Variants in HORMAD2 observed in about 807,000 individuals in gnomAD.
The protein encoded by HORMAD2 is HORMA domain-containing protein 2.
HORMAD2 carries 45 observed loss-of-function variants against 38.8 expected under a neutral mutation model. The ratio of observed to expected loss-of-function variants is 1.16; its 90% CI spans 0.91 to 1.49. HORMAD2 has a LOEUF of 1.49. Ranked by LOEUF, HORMAD2 falls within the 40% of genes most tolerant of loss-of-function variation. The probability of loss-of-function intolerance (pLI) is 0.00; values close to 1 mark genes in which losing one functional copy is unlikely to be tolerated. For synonymous variants in HORMAD2, 126 were observed against 122.8 expected (o/e 1.03, Z -0.17); for missense variants, 338 against 367.0 (o/e 0.92, Z 0.65).
chr22:30,121,488 C>T (rs1922425505), intron 8 of HORMAD2, 144 bp from the exon 9 acceptor site: 1 of 565,360 alleles, frequency 1.8e-6, no homozygotes, highest in Non-Finnish European at 2.8e-6. Flanking sequence ...AGTACCATCG[C>T]TCCCCTAATT....
At chr22:30,093,312 A>G (rs2068724895) in intron 1 of HORMAD2, among the ~76,000 whole-genome samples, 1 of 152,138 alleles carries the variant, frequency 6.6e-6, no homozygotes, top group Non-Finnish European at 1.5e-5. Flanking sequence ...TTTAATGGGT[A>G]TGAAGTATAA....
chr22:30,166,122 C>T (rs1050502423), intron 10 of HORMAD2, among the ~76,000 whole-genome samples: 1 of 151,820 alleles, frequency 6.6e-6, no homozygotes, highest in African/African-American at 2.4e-5. Flanking sequence ...TTCCAACAGA[C>T]ATATTATTGG....
chr22:30,161,281 A>C (rs1452527391), intron 10 of HORMAD2, among the ~76,000 whole-genome samples: 1 of 152,220 alleles, frequency 6.6e-6, no homozygotes, highest in East Asian at 1.9e-4. Flanking sequence ...ACTTACAGTT[A>C]TGCTATGTTC....
At chr22:30,152,195 T>C (rs998167068) in intron 10 of HORMAD2, among the ~76,000 whole-genome samples, 1 of 152,066 alleles carries the variant, frequency 6.6e-6, no homozygotes, top group African/African-American at 2.4e-5. Context: ...TCTTGGTCTA[T>C]TTTTATTTTA....
intron 10 of HORMAD2, among the ~76,000 whole-genome samples, chr22:30,123,016 G>A (rs1383367302): frequency 6.6e-6 from 1 of 152,160 alleles, no homozygotes; most frequent in East Asian, 1.9e-4. Flanking sequence ...GATAATTTGA[G>A]TCTTATTTAA....
At chr22:30,158,036 A>G (rs1468182181) in intron 10 of HORMAD2, among the ~76,000 whole-genome samples, 3 of 152,114 alleles carry the variant, frequency 2.0e-5, no homozygotes, top group African/African-American at 7.2e-5. Flanking sequence ...AACCTGTTAG[A>G]TTTAATTCTT....
intron 10 of HORMAD2, among the ~76,000 whole-genome samples, chr22:30,122,952 A>G (rs1436353188): frequency 2.0e-5 from 3 of 152,216 alleles, no homozygotes; most frequent in African/African-American, 4.8e-5. Context: ...AAGGGATGCT[A>G]TAAGATCTTT....
chr22:30,107,088 T>C (rs756195430), intron 5 of HORMAD2, among the ~76,000 whole-genome samples: 13 of 152,242 alleles, frequency 8.5e-5, no homozygotes, highest in Admixed American at 2.0e-4. Flanking sequence ...ACATTGGCTA[T>C]TTAATCTGTG....
chr22:30,158,610 C>CCTCCCTCCCTCT (rs1569115364), intron 10 of HORMAD2, among the ~76,000 whole-genome samples: 20 of 99,256 alleles, frequency 2.0e-4, no homozygotes, highest in African/African-American at 1.2e-3. Flanking sequence ...TCCCTCCCTC[C>CCTCCCTCCCTCT]GTCCCTCCCT....
chr22:30,147,460 A>G (rs987916948), intron 10 of HORMAD2, among the ~76,000 whole-genome samples: 1 of 152,066 alleles, frequency 6.6e-6, no homozygotes, highest in Admixed American at 6.5e-5. Context: ...ATTGTACACA[A>G]GATTGACTAT....
At chr22:30,188,338 G>A in the HORMAD2 span, among the ~76,000 whole-genome samples, 1 of 151,950 alleles carries the variant, frequency 6.6e-6, no homozygotes, top group East Asian at 1.9e-4. Flanking sequence ...TCTAATTAAA[G>A]AGACAAAAAC....
rs182924761 is a variant in HORMAD2 at position 30,124,243 on chromosome 22, A to G, written c.819+2029A>G. On this transcript the variant is annotated intron_variant, in intron 10 of 10. Transcript: ENST00000336726. ...TAAGGATTCCTTTTTGTTTTCCTTCATGGAATACATGGAACACACACACAC... is the reference window on the plus strand; with the variant it reads ...TAAGGATTCCTTTTTGTTTTCCTTCGTGGAATACATGGAACACACACACAC... 5.3e-3 allele frequency among the ~76,000 whole-genome samples: 755 copies of G among 142,316 alleles called. 24 individuals carry two copies. Among genetic ancestry groups the G allele is most frequent in the Admixed American group, 0.047 (674 of 14,202 alleles). The allele number at this position is 142,316 out of a possible 152,430, so 93.4% of individuals were successfully genotyped here.
chr22:30,127,332 C>T (rs1179573797), intron 10 of HORMAD2, among the ~76,000 whole-genome samples: 1 of 151,624 alleles, frequency 6.6e-6, no homozygotes. Context: ...CCTCAGCCTC[C>T]TGAGTAGCTG....
At chr22:30,190,597 C>T in the HORMAD2 span, among the ~76,000 whole-genome samples, 3 of 152,186 alleles carry the variant, frequency 2.0e-5, no homozygotes, top group African/African-American at 7.2e-5. Context: ...CATGGAGGCT[C>T]ACCCAAGAGG....
At chr22:30,204,386 T>A in the HORMAD2 span, among the ~76,000 whole-genome samples, 1 of 152,188 alleles carries the variant, frequency 6.6e-6, no homozygotes, top group Non-Finnish European at 1.5e-5. Context: ...TGGTTAACAC[T>A]TATTTCATGG....
chr22:30,082,805 A>AG (rs936278039), intron 1 of HORMAD2, among the ~76,000 whole-genome samples: 4 of 151,616 alleles, frequency 2.6e-5, no homozygotes, highest in East Asian at 3.9e-4. Context: ...CAAAAAAAAA[A>AG]AAAAGAAAAG....
intron 1 of HORMAD2, among the ~76,000 whole-genome samples, chr22:30,090,049 CAGA>C (rs1455534515): frequency 7.2e-5 from 11 of 152,136 alleles, no homozygotes; most frequent in Non-Finnish European, 1.5e-4. Flanking sequence ...TTGCATGTAT[CAGA>C]ACTTCATTCC....
chr22:30,137,005 A>G, intron 10 of HORMAD2: 1 of 470,746 alleles, frequency 2.1e-6, no homozygotes, highest in South Asian at 2.6e-5. Flanking sequence ...CAATTGTAAG[A>G]AGTCTTCCAT....
chr22:30,156,713 T>C (rs556129887), intron 10 of HORMAD2, among the ~76,000 whole-genome samples: 41 of 152,246 alleles, frequency 2.7e-4, no homozygotes, highest in Non-Finnish European at 4.1e-4. Flanking sequence ...AATATCTACA[T>C]TGAATTGATT....
Sources: allele counts gnomAD v4.1 joint callset (sites outside exome capture counted in the v4.1 genomes callset), GRCh38; gene constraint gnomAD v4.1.1; transcripts MANE v1.5; gene names NCBI Gene and HGNC (gene_info 2026-07-23, HGNC 2026-07-21).